Variants in ZFAND3 observed in about 807,000 individuals in gnomAD.
The protein encoded by ZFAND3 is zinc finger AN1-type containing 3, also known as AN1-type zinc finger protein 3.
ZFAND3 carries 10 observed loss-of-function variants against 29.6 expected under a neutral mutation model. That is an observed-to-expected ratio of 0.34 (90% CI 0.21 to 0.57). The LOEUF is 0.57. ZFAND3 is among the 20% of genes least tolerant of loss of function. The pLI is 0.86. For missense variants in ZFAND3, 230 were observed against 304.5 expected, an observed-to-expected ratio of 0.76 and a Z score of 1.82; for synonymous variants, 128 against 112.6, an observed-to-expected ratio of 1.14 and a Z score of -0.87.
chr6:38,119,023 GC>G (rs1236198550), intron 5 of ZFAND3, among the ~76,000 whole-genome samples: 1 of 152,178 alleles, frequency 6.6e-6, no homozygotes, highest in Non-Finnish European at 1.5e-5. Flanking sequence ...GGAGAAGAAA[GC>G]CCTGAGCTTT....
chr6:38,111,697 A>G (rs6917912), intron 4 of ZFAND3, among the ~76,000 whole-genome samples: 4,983 of 152,292 alleles, frequency 0.033, 222 homozygotes, highest in African/African-American at 0.096. Context: ...TATGTAATAC[A>G]TAAAACATGC....
chr6:37,878,163 A>G lies in ZFAND3; in HGVS notation c.72-51796A>G, dbSNP rs549842349. ...TGGAGGGAAAGTATGATCCGATCCA[A>G]TCCAATCCCTATTTGATTTATGGAG... On this transcript the variant is annotated intron_variant, in intron 1 of 5. Transcript: ENST00000287218. Among the ~76,000 whole-genome samples, 24 of 152,310 alleles carry G rather than the reference A, an allele frequency of 1.6e-4. No individual in the cohort carries two copies. The South Asian group carries it at 1.7e-3, about 11-fold the overall frequency.
At chr6:37,822,746 T>G (rs1763689985) in intron 1 of ZFAND3, among the ~76,000 whole-genome samples, 1 of 151,896 alleles carries the variant, frequency 6.6e-6, no homozygotes, top group Non-Finnish European at 1.5e-5. Flanking sequence ...AGAAGTAGAG[T>G]ATGGAAACAA....
chr6:38,056,748 A>G (rs1764140970), intron 2 of ZFAND3, among the ~76,000 whole-genome samples: 1 of 152,196 alleles, frequency 6.6e-6, no homozygotes, highest in Non-Finnish European at 1.5e-5. Context: ...CTTTGCTAGC[A>G]CCATTAGGTC....
At chr6:37,841,684 T>C (rs1040065436) in intron 1 of ZFAND3, among the ~76,000 whole-genome samples, 7 of 152,254 alleles carry the variant, frequency 4.6e-5, no homozygotes, top group African/African-American at 1.7e-4. Context: ...GGGGTTTCAC[T>C]GTGTTAGCCA....
At chr6:38,149,410 CAA>C (rs35426126) in intron 5 of ZFAND3, among the ~76,000 whole-genome samples, 34 of 88,274 alleles carry the variant, frequency 3.9e-4, no homozygotes, top group Non-Finnish European at 4.5e-4. Context: ...GACCCTGTCT[CAA>C]AAAAAAAAAA....
At chr6:38,042,254 G>A (rs1419169188) in intron 2 of ZFAND3, among the ~76,000 whole-genome samples, 2 of 151,488 alleles carry the variant, frequency 1.3e-5, no homozygotes, top group Non-Finnish European at 2.9e-5. Context: ...CACACTTTTG[G>A]CCATTTTGAG....
chr6:37,984,363 G>T (rs1762629815), intron 2 of ZFAND3, among the ~76,000 whole-genome samples: 1 of 152,182 alleles, frequency 6.6e-6, no homozygotes, highest in East Asian at 1.9e-4. Flanking sequence ...AACTGTCCAG[G>T]TTTCCCGTTG....
At chr6:38,117,445 A>G (rs538471583) in intron 5 of ZFAND3, among the ~76,000 whole-genome samples, 3 of 152,112 alleles carry the variant, frequency 2.0e-5, no homozygotes, top group Admixed American at 1.3e-4. Context: ...CCACAGTGGA[A>G]TGAAACTTAA....
intron 3 of ZFAND3, among the ~76,000 whole-genome samples, chr6:38,072,895 GGAA>G (rs776230987): frequency 2.0e-5 from 3 of 152,272 alleles, no homozygotes; most frequent in Middle Eastern, 3.4e-3. Context: ...ACCTTAGTGA[GGAA>G]TTTTTAAAAT....
intron 3 of ZFAND3, among the ~76,000 whole-genome samples, chr6:38,065,275 A>G (rs867004503): frequency 6.6e-5 from 10 of 151,854 alleles, no homozygotes; most frequent in Middle Eastern, 3.4e-3. Flanking sequence ...AGATCACTCC[A>G]CTGCACTCCA....
chr6:38,037,109 A>T (rs187980263), intron 2 of ZFAND3, among the ~76,000 whole-genome samples: 101 of 152,350 alleles, frequency 6.6e-4, no homozygotes, highest in African/African-American at 2.3e-3. Context: ...CCAACTCAAC[A>T]CATTCTTTGA....
At chr6:38,041,675 T>TTCTCCTTCTC (rs1763770811) in intron 2 of ZFAND3, among the ~76,000 whole-genome samples, 2 of 22,074 alleles carry the variant, frequency 9.1e-5, no homozygotes, top group South Asian at 3.5e-3. Context: ...TTCTTCTTCT[T>TTCTCCTTCTC]CTTCTTCTTC....
intron 5 of ZFAND3, among the ~76,000 whole-genome samples, chr6:38,121,767 A>G (rs1361357062): frequency 2.0e-5 from 3 of 152,160 alleles, no homozygotes; most frequent in Non-Finnish European, 4.4e-5. Context: ...CTCATTGTTG[A>G]TGTTAATTTT....
chr6:38,011,988 C>T (rs142885328), intron 2 of ZFAND3, among the ~76,000 whole-genome samples: 7 of 152,164 alleles, frequency 4.6e-5, no homozygotes, highest in African/African-American at 1.2e-4. Flanking sequence ...TAAAATTAGA[C>T]ATTTGATAGT....
intron 3 of ZFAND3, among the ~76,000 whole-genome samples, chr6:38,070,019 C>T (rs1024422620): frequency 2.0e-5 from 3 of 152,318 alleles, no homozygotes; most frequent in South Asian, 2.1e-4. Context: ...AATATTCTAA[C>T]GTCACCACCA....
rs550840018 is a variant in ZFAND3 at position 37,873,211 on chromosome 6, C to T, written c.71+53195C>T. On this transcript the variant is annotated intron_variant, in intron 1 of 5. Coordinates refer to ENST00000287218, the MANE Select transcript of ZFAND3 (RefSeq NM_021943.3). Reference sequence around the variant, plus strand: ...GTGTGAACCCGGGAGGCGAAGCTTGCGGTGAGCCGAGATCACGCCACTGCA... The same window carrying T: ...GTGTGAACCCGGGAGGCGAAGCTTGTGGTGAGCCGAGATCACGCCACTGCA... Among the ~76,000 whole-genome samples the T allele has an allele frequency of 3.3e-5, 5 of 152,276 alleles. No homozygotes were observed. The East Asian group carries it at 5.8e-4, about 18-fold the overall frequency.
intron 1 of ZFAND3, among the ~76,000 whole-genome samples, chr6:37,894,700 C>T (rs1765166712): frequency 6.6e-6 from 1 of 151,994 alleles, no homozygotes; most frequent in Non-Finnish European, 1.5e-5. Flanking sequence ...CAGATCTGCT[C>T]GTGAGGAATT....
intron 2 of ZFAND3, among the ~76,000 whole-genome samples, chr6:38,056,209 C>T (rs1293057918): frequency 2.0e-5 from 3 of 152,074 alleles, no homozygotes; most frequent in Non-Finnish European, 2.9e-5. Flanking sequence ...TGGTTTAGTT[C>T]ATGTATCTAT....
Sources: allele counts gnomAD v4.1 joint callset (sites outside exome capture counted in the v4.1 genomes callset), GRCh38; gene constraint gnomAD v4.1.1; transcripts MANE v1.5; gene names NCBI Gene and HGNC (gene_info 2026-07-23, HGNC 2026-07-21).